EFL1: variants seen among roughly 807,000 people sequenced by gnomAD.
EFL1 encodes elongation factor like GTPase 1.
In EFL1, 76 loss-of-function variants were observed where a neutral mutation model predicts 126.7. That is an observed-to-expected ratio of 0.60 (90% confidence interval 0.50 to 0.73). EFL1 has a LOEUF of 0.73. Among genes scored for constraint, EFL1 ranks in the 30% least tolerant of loss-of-function variants. EFL1 has a pLI of 0.00. For missense variants in EFL1, 1,128 were observed against 1,343.2 expected (o/e 0.84, Z 2.50); for synonymous variants, 410 against 448.4 (o/e 0.91, Z 1.08).
intron 15 of EFL1, among the ~76,000 whole-genome samples, chr15:82,190,430 A>T (rs767713643): frequency 2.4e-4 from 37 of 152,250 alleles, no homozygotes; most frequent in Non-Finnish European, 3.5e-4. Context: ...TGTCGGTCAA[A>T]TTGGTCTTTA....
chr15:82,186,420 A>C (rs1187045885), intron 15 of EFL1, among the ~76,000 whole-genome samples: 1 of 152,204 alleles, frequency 6.6e-6, no homozygotes, highest in Non-Finnish European at 1.5e-5. Context: ...CACATCTCTT[A>C]ACCATAGAAA....
Position 82,219,657 on chromosome 15 carries a change from G to A in EFL1, c.1606C>T (p.Arg536Ter), listed in dbSNP as rs1467649020. The change falls in exon 14 of 20, where the codon CGA becomes TGA. Residue 536 changes from arginine to a stop codon, truncating the protein, a stop_gained. Transcript: ENST00000268206. LOFTEE classifies it high-confidence loss of function. Reference protein sequence around the residue: ...GPKYSPLEFLRRVPLGFSAPP... With the variant: ...GPKYSPLEFL ...ATTTTACTTTCAATTCTTACCCTTC[G>A]TAAAAACTCAAGAGGACTGTATTTG... 2.5e-6 allele frequency: 4 copies of A among 1,602,786 alleles called. No individual in the cohort carries two copies. The highest frequency in any genetic ancestry group is 3.4e-6 in the Non-Finnish European group (4 of 1,177,068).
intron 4 of EFL1, among the ~76,000 whole-genome samples, chr15:82,250,650 T>C (rs1247107326): frequency 2.0e-5 from 3 of 151,776 alleles, no homozygotes; most frequent in Non-Finnish European, 2.9e-5. Flanking sequence ...TACAGGATAA[T>C]AGTGGAAATA....
intron 4 of EFL1, among the ~76,000 whole-genome samples, chr15:82,243,728 G>C (rs113128719): frequency 0.46 from 64,043 of 140,036 alleles, 15,251 homozygotes; most frequent in African/African-American, 0.51. Context: ...TTAGGGAATA[G>C]TCAGAAAAAC....
chr15:82,219,839 A>G (rs1164047476), intron 13 of EFL1, 21 bp from the exon 14 acceptor site: 1 of 1,591,904 alleles, frequency 6.3e-7, no homozygotes. Context: ...CAAAAAGATA[A>G]TTAGTGCCAA....
At chr15:82,208,717 G>A (rs2074551879) in intron 15 of EFL1, among the ~76,000 whole-genome samples, 3 of 151,684 alleles carry the variant, frequency 2.0e-5, no homozygotes, top group Admixed American at 2.0e-4. Flanking sequence ...TTACAGCAAG[G>A]AGAAAAACTC....
At chr15:82,199,595 A>C (rs1173968409) in intron 15 of EFL1, among the ~76,000 whole-genome samples, 1 of 152,362 alleles carries the variant, frequency 6.6e-6, no homozygotes, top group South Asian at 2.1e-4. Flanking sequence ...AGAACAACAT[A>C]ATGCTGGGTT....
chr15:82,186,357 C>A (rs1404676072), intron 15 of EFL1, among the ~76,000 whole-genome samples: 3 of 152,186 alleles, frequency 2.0e-5, no homozygotes, highest in African/African-American at 7.2e-5. Context: ...CAAAAATCTT[C>A]TAGCCTAAAG....
At chr15:82,182,019 G>A (rs149404335) in intron 15 of EFL1, among the ~76,000 whole-genome samples, 10 of 152,256 alleles carry the variant, frequency 6.6e-5, no homozygotes, top group Non-Finnish European at 1.3e-4. Flanking sequence ...CAGCACTTAC[G>A]GAGGCTGAGG....
chr15:82,252,947 C>T, intron 3 of EFL1, among the ~76,000 whole-genome samples, 172 bp from the exon 4 acceptor site: 1 of 152,130 alleles, frequency 6.6e-6, no homozygotes, highest in Non-Finnish European at 1.5e-5. Flanking sequence ...AACTTCTAGC[C>T]TCAAGTGATC....
intron 16 of EFL1, among the ~76,000 whole-genome samples, chr15:82,159,052 T>C (rs939119924): frequency 1.3e-5 from 2 of 152,218 alleles, no homozygotes; most frequent in Admixed American, 6.5e-5. Context: ...AAAAGCCACA[T>C]ATGGAATGCA....
intron 15 of EFL1, among the ~76,000 whole-genome samples, chr15:82,211,308 T>C (rs8043108): frequency 0.7 from 105,284 of 151,130 alleles, 38,247 homozygotes; most frequent in African/African-American, 0.9. Flanking sequence ...AGGCAGATCA[T>C]GAGGTCAGGA....
chr15:82,220,749 A>G (rs1384475597), intron 12 of EFL1, among the ~76,000 whole-genome samples: 2 of 138,816 alleles, frequency 1.4e-5, no homozygotes, highest in Admixed American at 1.5e-4. Flanking sequence ...GTGGGTGTGT[A>G]TGTGTGGTTT....
rs2074815533 is a variant in EFL1 at position 82,230,924 on chromosome 15, T to C, written c.779A>G (p.Lys260Arg). Residue 260 changes from lysine to arginine, a missense_variant, in exon 8 of 20, where the codon AAG (lysine) becomes AGG (arginine). By Grantham distance (26) the Lys-to-Arg change is conservative. Around this residue, in one of 6 missense-constraint regions of EFL1, gnomAD observed 316 missense variants for 318.5 expected, o/e 0.99. Coordinates refer to ENST00000268206, the MANE Select transcript of EFL1 (RefSeq NM_024580.6). Reference sequence around the variant, plus strand: ...CCACAAGGTTTTCATAAGAACTTCCTTTTTGATGCCAATTTTTTGACTGTA... The same window carrying C: ...CCACAAGGTTTTCATAAGAACTTCCCTTTTGATGCCAATTTTTTGACTGTA... ...RIYSQKIGIKKEVLMKTLWGD... is the reference protein window; with the variant it reads ...RIYSQKIGIKREVLMKTLWGD... The C allele has an allele frequency of 6.2e-7, 1 of 1,613,532 alleles. No individual in the cohort carries two copies. The highest frequency in any genetic ancestry group is 1.1e-5 in the South Asian group (1 of 90,992).
chr15:82,190,345 T>C (rs991322228), intron 15 of EFL1, among the ~76,000 whole-genome samples: 10 of 152,336 alleles, frequency 6.6e-5, no homozygotes, highest in African/African-American at 2.4e-4. Context: ...TAATTTTACT[T>C]TGAGTAATAA....
At chr15:82,176,786 A>G (rs995741575) in intron 15 of EFL1, among the ~76,000 whole-genome samples, 3 of 152,268 alleles carry the variant, frequency 2.0e-5, no homozygotes, top group African/African-American at 7.2e-5. Context: ...CTCTTCCATC[A>G]GAAAGCAGAC....
intron 3 of EFL1, among the ~76,000 whole-genome samples, chr15:82,258,103 CCTCTT>C (rs2075081817): frequency 1.3e-5 from 2 of 152,190 alleles, no homozygotes; most frequent in African/African-American, 4.8e-5. Flanking sequence ...TTCTCCGTCT[CCTCTT>C]CTCTCTATTC....
chr15:82,240,605 G>A, intron 5 of EFL1, 50 bp from the exon 6 acceptor site: 1 of 1,600,080 alleles, frequency 6.2e-7, no homozygotes, highest in Non-Finnish European at 8.5e-7. Flanking sequence ...GAAATAATTA[G>A]AGCACATTAG....
At chr15:82,247,595 T>C (rs183761384) in intron 4 of EFL1, among the ~76,000 whole-genome samples, 1 of 152,032 alleles carries the variant, frequency 6.6e-6, no homozygotes, top group African/African-American at 2.4e-5. Flanking sequence ...CAGAGATACG[T>C]GGAACATGAA....
Sources: gnomAD v4.1 joint callset for allele counts (sites outside exome capture counted in the v4.1 genomes callset) on GRCh38, gnomAD v4.1.1 for gene constraint, gnomAD v4.1.1 regional missense constraint, MANE v1.5 for transcripts, NCBI Gene and HGNC (gene_info 2026-07-23, HGNC 2026-07-21) for gene names.